Variants in COG5 observed in about 807,000 individuals in gnomAD.
The protein encoded by COG5 is conserved oligomeric Golgi complex subunit 5.
Under a neutral mutation model 110.4 loss-of-function variants are expected in COG5, and 86 were observed. The ratio of observed to expected loss-of-function variants is 0.78; its 90% CI spans 0.65 to 0.93. COG5 has a LOEUF of 0.93. Ranked by LOEUF, COG5 falls within the 40% of genes least tolerant of loss-of-function variation. COG5 has a pLI of 0.00. For missense variants in COG5, 1,077 were observed against 987.0 expected (o/e 1.09, Z -1.22); for synonymous variants, 360 against 334.6 (o/e 1.08, Z -0.83).
chr7:107,404,554 C>T (rs1791668620), intron 7 of COG5, among the ~76,000 whole-genome samples: 1 of 151,834 alleles, frequency 6.6e-6, no homozygotes, highest in African/African-American at 2.4e-5. Context: ...AAAAGAGTAC[C>T]AAGGCCCTAA....
At chr7:107,563,359 A>G (rs2129183550) in intron 1 of COG5, 1 of 273,684 alleles carries the variant, frequency 3.7e-6, no homozygotes, top group Non-Finnish European at 7.2e-6. Context: ...TAAAGGAGTA[A>G]GCGTTTCCAG....
intron 13 of COG5, among the ~76,000 whole-genome samples, chr7:107,283,213 A>T (rs889440746): frequency 2.0e-5 from 3 of 152,192 alleles, no homozygotes; most frequent in African/African-American, 7.2e-5. Context: ...GATAAAAAAA[A>T]GTTAACCTGT....
intron 18 of COG5, among the ~76,000 whole-genome samples, chr7:107,232,183 G>A (rs191161765): frequency 1.3e-5 from 2 of 152,302 alleles, no homozygotes; most frequent in Admixed American, 1.3e-4. Context: ...ATGTAAGGAA[G>A]AAAAAGGATT....
intron 10 of COG5, among the ~76,000 whole-genome samples, chr7:107,350,908 C>T (rs1247260934): frequency 1.3e-5 from 2 of 152,198 alleles, no homozygotes; most frequent in African/African-American, 4.8e-5. Context: ...ATCCTCACTA[C>T]AGGTTCAACT....
chr7:107,332,586 C>T (rs62482496), intron 10 of COG5, among the ~76,000 whole-genome samples: 4,099 of 152,176 alleles, frequency 0.027, 83 homozygotes, highest in South Asian at 0.073. Flanking sequence ...TGGTCAATCA[C>T]CTCAGAGGAG....
intron 6 of COG5, among the ~76,000 whole-genome samples, chr7:107,488,169 A>T (rs1341718018): frequency 6.6e-6 from 1 of 151,968 alleles, no homozygotes; most frequent in Non-Finnish European, 1.5e-5. Flanking sequence ...TATTTAAAAA[A>T]ATTTTAAAAT....
At chr7:107,553,896 G>A (rs1803104670) in intron 3 of COG5, among the ~76,000 whole-genome samples, 2 of 152,280 alleles carry the variant, frequency 1.3e-5, no homozygotes, top group South Asian at 4.1e-4. Flanking sequence ...ATTGTTCTAA[G>A]TATCTTGCTA....
intron 5 of COG5, among the ~76,000 whole-genome samples, chr7:107,531,449 T>C (rs2129160540): frequency 8.0e-6 from 1 of 124,920 alleles, no homozygotes; most frequent in Middle Eastern, 3.9e-3. Flanking sequence ...TCCAATTCTG[T>C]CATTTTGTAT....
intron 16 of COG5, among the ~76,000 whole-genome samples, chr7:107,254,366 C>T (rs555626063): frequency 6.6e-6 from 1 of 151,916 alleles, no homozygotes; most frequent in East Asian, 1.9e-4. Flanking sequence ...ATTCAACATT[C>T]CTTTTTATTC....
chr7:107,297,637 C>T (rs542775978), intron 12 of COG5, among the ~76,000 whole-genome samples: 96 of 151,824 alleles, frequency 6.3e-4, no homozygotes, highest in African/African-American at 2.3e-3. Context: ...TTAGTAGAGA[C>T]GGGGTTTTAC....
intron 7 of COG5, among the ~76,000 whole-genome samples, chr7:107,380,859 A>C (rs890831594): frequency 1.3e-5 from 2 of 152,198 alleles, no homozygotes; most frequent in African/African-American, 2.4e-5. Flanking sequence ...ACAACAACAA[A>C]AAAAAATTTC....
Position 107,338,347 on chromosome 7 carries a change from T to A in COG5, c.1027-13826A>T, listed in dbSNP as rs1810886871. Among the ~76,000 whole-genome samples the A allele has an allele frequency of 2.0e-5, 3 of 151,940 alleles. No individual in the cohort carries two copies. In the South Asian group the frequency reaches 6.2e-4, roughly 32 times the overall value. The stretch of plus-strand genomic sequence containing the variant: ...GATAGCCCAGAAATAAACCCTCAAG[T>A]ACATGGCCATATGATCTTTGACAAG... On this transcript the variant is annotated intron_variant, in intron 10 of 21. Transcript: ENST00000297135.
Position 107,257,716 on chromosome 7 carries a change from T to C in COG5, c.1686+557A>G, listed in dbSNP as rs77761212. On this transcript the variant is annotated intron_variant, in intron 15 of 21. Transcript: ENST00000297135. Reference sequence around the variant, plus strand: ...ACAATACAGTTCACCTTAGACATAATATATGAAGACAAACAAGGTTCAGCC... The same window carrying C: ...ACAATACAGTTCACCTTAGACATAACATATGAAGACAAACAAGGTTCAGCC... Among the ~76,000 whole-genome samples the C allele has an allele frequency of 5.3e-5, 8 of 152,198 alleles. No homozygotes were observed. In the East Asian group the frequency reaches 1.5e-3, roughly 29 times the overall value.
At chr7:107,437,602 T>C (rs1287141969) in intron 6 of COG5, among the ~76,000 whole-genome samples, 1 of 152,162 alleles carries the variant, frequency 6.6e-6, no homozygotes, top group Non-Finnish European at 1.5e-5. Context: ...GTTGCTCTCT[T>C]AGATACTTCA....
chr7:107,474,782 G>A lies in COG5; in HGVS notation c.538+52455C>T, dbSNP rs561487523. 13 of 1,611,018 alleles carry A rather than the reference G, an allele frequency of 8.1e-6. No homozygotes were observed. The East Asian group carries it at 1.1e-4, about 14-fold the overall frequency. ...AAAATACTTCAGGCTCTTAATATTCGAATAGGCACAAGATTTTCAACAGGG... is the reference window on the plus strand; with the variant it reads ...AAAATACTTCAGGCTCTTAATATTCAAATAGGCACAAGATTTTCAACAGGG... On this transcript the variant is annotated intron_variant, in intron 6 of 21. Transcript: ENST00000297135. This position sits in a 1 kb window ranked among gnomAD's most constrained non-coding sequence, Gnocchi z 5.7.
chr7:107,478,033 C>T (rs978169150), intron 6 of COG5, among the ~76,000 whole-genome samples: 6 of 151,842 alleles, frequency 4.0e-5, no homozygotes, highest in African/African-American at 1.4e-4. Context: ...ATTTTTCTAT[C>T]CATATATCAT....
At chr7:107,414,959 C>T (rs977783919) in intron 6 of COG5, among the ~76,000 whole-genome samples, 1 of 151,832 alleles carries the variant, frequency 6.6e-6, no homozygotes, top group African/African-American at 2.4e-5. Flanking sequence ...ATCTCCTGAC[C>T]TTGTGATCCA....
intron 6 of COG5, among the ~76,000 whole-genome samples, chr7:107,442,638 T>A (rs1254364586): frequency 7.9e-6 from 1 of 127,248 alleles, no homozygotes; most frequent in East Asian, 2.3e-4. Context: ...TAAATCAATT[T>A]CACCTAAAAA....
At chr7:107,384,877 T>C (rs996812154) in intron 7 of COG5, among the ~76,000 whole-genome samples, 1 of 152,214 alleles carries the variant, frequency 6.6e-6, no homozygotes, top group Non-Finnish European at 1.5e-5. Context: ...ATCCAGTCTA[T>C]GGTATTCTGT....
Sources: gnomAD v4.1 joint callset for allele counts (sites outside exome capture counted in the v4.1 genomes callset) on GRCh38, gnomAD v4.1.1 for gene constraint, Gnocchi (gnomAD v3.1) non-coding constraint, MANE v1.5 for transcripts, NCBI Gene and HGNC (gene_info 2026-07-23, HGNC 2026-07-21) for gene names.